SULF1: variants seen among roughly 807,000 people sequenced by gnomAD.
SULF1 encodes the protein sulfatase 1, also known as extracellular sulfatase Sulf-1.
A neutral mutation model predicts 110.5 loss-of-function variants in SULF1; 46 were observed. The observed-to-expected ratio is 0.42, with a 90% CI of 0.33 to 0.53. The LOEUF (loss-of-function observed/expected upper bound fraction) is 0.53. Among genes scored for constraint, SULF1 ranks in the 20% least tolerant of loss-of-function variants. The pLI, the probability that SULF1 is intolerant of heterozygous loss-of-function variation, is 0.12. For missense variants in SULF1, 941 were observed against 1,094.2 expected, an observed-to-expected ratio of 0.86 and a Z score of 1.98; for synonymous variants, 371 against 387.1, an observed-to-expected ratio of 0.96 and a Z score of 0.49.
chr8:69,511,667 A>G (rs1037245750), intron 3 of SULF1, among the ~76,000 whole-genome samples: 2 of 152,264 alleles, frequency 1.3e-5, no homozygotes, highest in East Asian at 1.9e-4. Context: ...AACATCCACC[A>G]CTAGGGTGGT....
chr8:69,509,539 T>G (rs1004370441), intron 3 of SULF1, among the ~76,000 whole-genome samples: 1 of 152,228 alleles, frequency 6.6e-6, no homozygotes, highest in Admixed American at 6.5e-5. Context: ...TCTTTAGGAT[T>G]AGAAAAAATT....
chr8:69,603,349 C>G (rs1807985252), intron 11 of SULF1, 29 bp downstream of exon 11: 1 of 1,613,590 alleles, frequency 6.2e-7, no homozygotes, highest in African/African-American at 1.3e-5. Flanking sequence ...TCTCAGCCAG[C>G]CCCAAATACA....
At chr8:69,639,881 G>A (rs1049940953) in intron 21 of SULF1, among the ~76,000 whole-genome samples, 51 of 152,070 alleles carry the variant, frequency 3.4e-4, no homozygotes, top group Admixed American at 9.8e-4. Flanking sequence ...TTGAGTTCTG[G>A]GAGTCCCCTA....
At chr8:69,607,861 C>T (rs1445616819) in intron 13 of SULF1, among the ~76,000 whole-genome samples, 2 of 152,198 alleles carry the variant, frequency 1.3e-5, no homozygotes, top group Admixed American at 6.5e-5. Flanking sequence ...AATCTGCTCT[C>T]TCTCGATGTC....
At chr8:69,504,579 G>C (rs1176789274) in intron 3 of SULF1, among the ~76,000 whole-genome samples, 1 of 152,066 alleles carries the variant, frequency 6.6e-6, no homozygotes, top group Non-Finnish European at 1.5e-5. Context: ...AATAAAATAA[G>C]TGTCTAATGT....
chr8:69,632,000 C>G (rs17721390), intron 19 of SULF1, among the ~76,000 whole-genome samples: 11,111 of 152,296 alleles, frequency 0.073, 498 homozygotes, highest in African/African-American at 0.12. Context: ...AACCATGTCT[C>G]TATGATACTG....
At chr8:69,636,830 C>T (rs997972376) in intron 19 of SULF1, among the ~76,000 whole-genome samples, 1 of 152,146 alleles carries the variant, frequency 6.6e-6, no homozygotes, top group African/African-American at 2.4e-5. Context: ...GTTTTTGATG[C>T]ATCTCATTGA....
At chr8:69,652,281 C>G (rs1480882122) in intron 22 of SULF1, among the ~76,000 whole-genome samples, 1 of 152,212 alleles carries the variant, frequency 6.6e-6, no homozygotes, top group Non-Finnish European at 1.5e-5. Context: ...TCCCTTTGGC[C>G]AGGTAAAGGA....
chr8:69,540,257 C>T (rs1813769624), intron 3 of SULF1, among the ~76,000 whole-genome samples: 2 of 152,116 alleles, frequency 1.3e-5, no homozygotes, highest in Non-Finnish European at 2.9e-5. Flanking sequence ...ACTAATAAGA[C>T]CCTAAGTCAC....
At chr8:69,630,608 T>C (rs549280402) in intron 19 of SULF1, among the ~76,000 whole-genome samples, 1 of 152,328 alleles carries the variant, frequency 6.6e-6, no homozygotes, top group Admixed American at 6.5e-5. Flanking sequence ...TCACAGCATT[T>C]AACTTTTAAT....
chr8:69,650,957 T>TA (rs906312245), intron 22 of SULF1, among the ~76,000 whole-genome samples: 1 of 152,094 alleles, frequency 6.6e-6, no homozygotes, highest in Non-Finnish European at 1.5e-5. Flanking sequence ...CTGAGGTGTA[T>TA]AAAATTGCTG....
chr8:69,578,639 G>C (rs947354042), intron 6 of SULF1, among the ~76,000 whole-genome samples: 1 of 151,670 alleles, frequency 6.6e-6, no homozygotes, highest in Admixed American at 6.6e-5. Flanking sequence ...ACACCGGAAG[G>C]CTTCCCTGTT....
At position 69,553,293 on chromosome 8, in the gene SULF1, T is replaced by C. The variant is rs144742525; in HGVS notation, c.-133-10246T>C. On this transcript the variant is annotated intron_variant, in intron 3 of 22. Coordinates refer to ENST00000402687, the MANE Select transcript of SULF1 (RefSeq NM_001128205.2). ...GTGTGTACTTCAAGGATATGCTGTA[T>C]GCAAGAGATCTTGATATGGAGGGCC... 3.3e-3 allele frequency among the ~76,000 whole-genome samples: 501 copies of C among 152,372 alleles called. 2 individuals are homozygous for C. Among genetic ancestry groups the C allele is most frequent in the African/African-American group, 0.011 (469 of 41,594 alleles).
At chr8:69,551,674 C>T (rs1034117217) in intron 3 of SULF1, among the ~76,000 whole-genome samples, 7 of 152,188 alleles carry the variant, frequency 4.6e-5, no homozygotes, top group Non-Finnish European at 7.3e-5. Flanking sequence ...TCAGCCTTCA[C>T]GGAAGAGACT....
intron 22 of SULF1, among the ~76,000 whole-genome samples, chr8:69,647,150 C>T (rs1423367298): frequency 6.6e-6 from 1 of 151,320 alleles, no homozygotes; most frequent in Non-Finnish European, 1.5e-5. Context: ...TCACCATGTT[C>T]GTCAGGCTGG....
intron 3 of SULF1, among the ~76,000 whole-genome samples, chr8:69,534,923 G>A (rs567665611): frequency 2.0e-5 from 3 of 151,462 alleles, no homozygotes; most frequent in Admixed American, 6.6e-5. Flanking sequence ...AATAATATAA[G>A]ACTTTATAAG....
In SULF1 at chr8:69,589,148, A is replaced by T. The variant is rs534720548; in HGVS notation, c.734+7A>T. 3.1e-6 allele frequency: 5 copies of T among 1,610,786 alleles called. No individual in the cohort carries two copies. In the African/African-American group the frequency reaches 4.0e-5, roughly 13 times the overall value. ...CCAATGCTTCCCAACACATGTAAGT[A>T]ACAAACTCAACTCTGCGACCTGCCG... On this transcript the variant is annotated splice_region_variant and intron_variant, in intron 8 of 22. Coordinates refer to ENST00000402687, the MANE Select transcript of SULF1 (RefSeq NM_001128205.2).
chr8:69,599,592 C>T (rs990274809), intron 8 of SULF1, among the ~76,000 whole-genome samples: 1 of 152,168 alleles, frequency 6.6e-6, no homozygotes, highest in African/African-American at 2.4e-5. Flanking sequence ...AAATGGTTTG[C>T]ATAATACCCA....
chr8:69,466,971 T>G (rs1290732511), intron 1 of SULF1: 1 of 152,176 alleles, frequency 6.6e-6, no homozygotes, highest in Non-Finnish European at 1.5e-5. Flanking sequence ...AGACATTGAA[T>G]GCTTCTCTCC....
Sources: gnomAD v4.1 joint callset for allele counts (sites outside exome capture counted in the v4.1 genomes callset) on GRCh38, gnomAD v4.1.1 for gene constraint, MANE v1.5 for transcripts, NCBI Gene and HGNC (gene_info 2026-07-23, HGNC 2026-07-21) for gene names.